Variants in GALNTL6 observed in about 807,000 individuals in gnomAD.
The protein encoded by GALNTL6 is polypeptide N-acetylgalactosaminyltransferase like 6.
A neutral mutation model predicts 73.7 loss-of-function variants in GALNTL6; 46 were observed. The ratio of observed to expected loss-of-function variants is 0.62; its 90% CI spans 0.49 to 0.80. The LOEUF (loss-of-function observed/expected upper bound fraction) is 0.80, where lower values mean the gene tolerates loss of function less well. Ranked by LOEUF, GALNTL6 falls within the 30% of genes least tolerant of loss-of-function variation. The pLI is 0.00. For synonymous variants in GALNTL6, 259 were observed against 263.7 expected, an observed-to-expected ratio of 0.98 and a Z score of 0.17; for missense variants, 604 against 755.0, an observed-to-expected ratio of 0.80 and a Z score of 2.34.
At chr4:172,571,973 C>T (rs541867349) in intron 5 of GALNTL6, among the ~76,000 whole-genome samples, 8 of 152,218 alleles carry the variant, frequency 5.3e-5, no homozygotes, top group South Asian at 2.1e-4. Context: ...GCTTTTCCCC[C>T]GTATTGTCAA....
intron 5 of GALNTL6, among the ~76,000 whole-genome samples, chr4:172,731,953 C>G (rs758522781): frequency 5.9e-5 from 9 of 151,802 alleles, no homozygotes; most frequent in Non-Finnish European, 1.3e-4. Context: ...TGTTTTGTGG[C>G]TCAAGATATG....
chr4:171,946,875 G>A (rs1269899136), intron 2 of GALNTL6, among the ~76,000 whole-genome samples: 1 of 150,332 alleles, frequency 6.7e-6, no homozygotes, highest in Admixed American at 6.8e-5. Context: ...GCAGAGACAA[G>A]AAGACCCCGG....
chr4:173,029,113 T>C (rs911003878), intron 12 of GALNTL6, among the ~76,000 whole-genome samples: 1 of 152,222 alleles, frequency 6.6e-6, no homozygotes, highest in Non-Finnish European at 1.5e-5. Context: ...GGTATTGATT[T>C]GGGACCAAAA....
intron 5 of GALNTL6, among the ~76,000 whole-genome samples, chr4:172,412,509 G>A (rs1383665180): frequency 6.6e-6 from 1 of 152,138 alleles, no homozygotes; most frequent in African/African-American, 2.4e-5. Flanking sequence ...CATAACGCAA[G>A]CAAAATATGC....
chr4:172,586,391 G>A (rs1460062798), intron 5 of GALNTL6, among the ~76,000 whole-genome samples: 1 of 147,914 alleles, frequency 6.8e-6, no homozygotes, highest in Non-Finnish European at 1.5e-5. Flanking sequence ...AACAATTCAA[G>A]ACTAAAATAG....
At chr4:172,158,581 A>G (rs1282376198) in intron 2 of GALNTL6, among the ~76,000 whole-genome samples, 1 of 151,986 alleles carries the variant, frequency 6.6e-6, no homozygotes, top group African/African-American at 2.4e-5. Flanking sequence ...ATTGACAGTC[A>G]CTGATCCAAC....
At chr4:172,137,410 G>T (rs917962189) in intron 2 of GALNTL6, among the ~76,000 whole-genome samples, 13 of 152,114 alleles carry the variant, frequency 8.5e-5, no homozygotes, top group Non-Finnish European at 1.9e-4. Flanking sequence ...TCTCACAAAG[G>T]TGTACAAGAT....
At chr4:172,682,192 A>G (rs1732667016) in intron 5 of GALNTL6, among the ~76,000 whole-genome samples, 3 of 152,218 alleles carry the variant, frequency 2.0e-5, no homozygotes, top group Admixed American at 1.3e-4. Flanking sequence ...GATAGTGCAT[A>G]GAGTTCTGCC....
intron 5 of GALNTL6, among the ~76,000 whole-genome samples, chr4:172,376,447 A>G (rs930498180): frequency 2.0e-5 from 3 of 152,066 alleles, no homozygotes; most frequent in African/African-American, 7.2e-5. Flanking sequence ...TCGACCCTCG[A>G]CTCAGCCCAG....
intron 2 of GALNTL6, among the ~76,000 whole-genome samples, chr4:171,886,061 A>C (rs1017996297): frequency 3.3e-5 from 5 of 152,102 alleles, no homozygotes; most frequent in African/African-American, 1.2e-4. Flanking sequence ...ATCTCTTTTT[A>C]ACCACATAAA....
intron 5 of GALNTL6, among the ~76,000 whole-genome samples, chr4:172,721,957 A>G (rs1735499651): frequency 6.6e-6 from 1 of 151,040 alleles, no homozygotes; most frequent in Non-Finnish European, 1.5e-5. Context: ...GCTTAGTAAC[A>G]CAAATATTGC....
intron 2 of GALNTL6, among the ~76,000 whole-genome samples, chr4:172,104,894 T>G (rs182078445): frequency 3.3e-5 from 5 of 152,284 alleles, no homozygotes; most frequent in African/African-American, 1.2e-4. Flanking sequence ...GATGTGAAAC[T>G]GTTTCTGGGA....
At chr4:172,965,092 T>C (rs1437634048) in intron 10 of GALNTL6, among the ~76,000 whole-genome samples, 1 of 152,202 alleles carries the variant, frequency 6.6e-6, no homozygotes, top group Non-Finnish European at 1.5e-5. Flanking sequence ...GTATTAGACT[T>C]GACTTGATCT....
chr4:172,006,644 GA>G (rs1012714739), intron 2 of GALNTL6, among the ~76,000 whole-genome samples: 9 of 151,606 alleles, frequency 5.9e-5, no homozygotes, highest in African/African-American at 2.2e-4. Context: ...GAAAAGAAAA[GA>G]AAAAAAGTAA....
chr4:172,788,887 T>A (rs1014981571), intron 5 of GALNTL6, among the ~76,000 whole-genome samples: 2 of 152,116 alleles, frequency 1.3e-5, no homozygotes, highest in African/African-American at 4.8e-5. Flanking sequence ...AACCATTTTG[T>A]TGATAGGGAA....
chr4:172,265,544 C>G (rs764870949), intron 3 of GALNTL6, among the ~76,000 whole-genome samples: 8 of 152,056 alleles, frequency 5.3e-5, no homozygotes, highest in East Asian at 1.9e-4. Context: ...TTCAGGTTCT[C>G]TTGGTTCACT....
chr4:172,118,304 C>A (rs1733042550), intron 2 of GALNTL6, among the ~76,000 whole-genome samples: 1 of 152,048 alleles, frequency 6.6e-6, no homozygotes, highest in South Asian at 2.1e-4. Context: ...GTCATCAATA[C>A]TTGGTTAAGA....
intron 2 of GALNTL6, among the ~76,000 whole-genome samples, chr4:172,045,415 C>A (rs1742187864): frequency 6.6e-6 from 1 of 151,968 alleles, no homozygotes; most frequent in Admixed American, 6.6e-5. Context: ...TCCCTAAAGT[C>A]TTCTCAGTTT....
intron 5 of GALNTL6, among the ~76,000 whole-genome samples, chr4:172,787,191 C>A (rs1278800355): frequency 6.6e-6 from 1 of 152,160 alleles, no homozygotes; most frequent in African/African-American, 2.4e-5. Flanking sequence ...GGGAGAAGTG[C>A]AGATTTCAAA....
Sources: allele counts gnomAD v4.1 joint callset (sites outside exome capture counted in the v4.1 genomes callset), GRCh38; gene constraint gnomAD v4.1.1; transcripts MANE v1.5; gene names NCBI Gene and HGNC (gene_info 2026-07-23, HGNC 2026-07-21).